Variants in NPAS3 observed in about 807,000 individuals in gnomAD.
NPAS3 encodes the protein neuronal PAS domain protein 3.
Under a neutral mutation model 73.1 loss-of-function variants are expected in NPAS3, and 14 were observed. The observed-to-expected ratio is 0.19, with a 90% confidence interval of 0.13 to 0.30. The LOEUF (loss-of-function observed/expected upper bound fraction) is 0.30. Among genes scored for constraint, NPAS3 ranks in the 10% least tolerant of loss-of-function variants. The pLI is 1.00. For missense variants in NPAS3, 1,096 were observed against 1,250.0 expected (o/e 0.88, Z 1.86); for synonymous variants, 620 against 541.5 (o/e 1.14, Z -2.01).
chr14:33,727,363 C>T (rs1311979733), intron 6 of NPAS3, among the ~76,000 whole-genome samples: 6 of 152,012 alleles, frequency 3.9e-5, no homozygotes, highest in East Asian at 3.9e-4. Flanking sequence ...CTGTGATATG[C>T]GCTAAACAGC....
chr14:33,702,147 A>G (rs769788656), intron 6 of NPAS3, among the ~76,000 whole-genome samples: 17 of 152,222 alleles, frequency 1.1e-4, no homozygotes, highest in Non-Finnish European at 4.4e-5. Flanking sequence ...TTCCATGTTA[A>G]TTGTGATGCT....
chr14:33,423,115 T>G (rs1010809574), intron 4 of NPAS3, among the ~76,000 whole-genome samples: 1 of 151,984 alleles, frequency 6.6e-6, no homozygotes, highest in African/African-American at 2.4e-5. Context: ...CGCTGGACAT[T>G]TTGAAGGCAG....
At chr14:33,698,498 G>A (rs1370600878) in intron 6 of NPAS3, among the ~76,000 whole-genome samples, 1 of 152,138 alleles carries the variant, frequency 6.6e-6, no homozygotes, top group Non-Finnish European at 1.5e-5. Context: ...ATGCTCACAG[G>A]ATGCTACAGG....
At chr14:33,499,162 T>G (rs1462926133) in intron 4 of NPAS3, among the ~76,000 whole-genome samples, 1 of 151,896 alleles carries the variant, frequency 6.6e-6, no homozygotes. Flanking sequence ...AGAAATTTAA[T>G]TTTTCCAAAA....
chr14:33,171,430 C>G lies in NPAS3; in HGVS notation c.141-43752C>G, dbSNP rs149969868. 1.5e-3 allele frequency among the ~76,000 whole-genome samples: 232 copies of G among 152,302 alleles called. 2 individuals carry two copies. The highest frequency in any genetic ancestry group is 5.2e-3 in the African/African-American group (215 of 41,564). On this transcript the variant is annotated intron_variant, in intron 2 of 11. Transcript: ENST00000356141. ...GCTTCTAATAAGAATATCAGCCTGT[C>G]CCACAGCTTCTCCATCAGCACTTGC... is the stretch of plus-strand genomic sequence containing the variant.
At chr14:33,443,854 G>A (rs1203056756) in intron 4 of NPAS3, among the ~76,000 whole-genome samples, 1 of 152,148 alleles carries the variant, frequency 6.6e-6, no homozygotes, top group Non-Finnish European at 1.5e-5. Context: ...TTCGGGTAGG[G>A]TATAATGTTG....
chr14:33,327,329 C>A (rs776958333), intron 3 of NPAS3, among the ~76,000 whole-genome samples: 1 of 152,282 alleles, frequency 6.6e-6, no homozygotes, highest in African/African-American at 2.4e-5. Context: ...AATCTCAACA[C>A]GAGGAAGTAA....
At chr14:33,344,632 T>G (rs1429717407) in intron 3 of NPAS3, among the ~76,000 whole-genome samples, 2 of 152,234 alleles carry the variant, frequency 1.3e-5, no homozygotes, top group Non-Finnish European at 2.9e-5. Context: ...TTAACTCTTA[T>G]TACTTGTTCA....
At chr14:33,698,357 G>C (rs952797520) in intron 6 of NPAS3, among the ~76,000 whole-genome samples, 1 of 152,176 alleles carries the variant, frequency 6.6e-6, no homozygotes, top group Admixed American at 6.5e-5. Flanking sequence ...TGTGGCTTTT[G>C]CCATGAAACT....
chr14:33,229,901 G>C (rs1200123015), intron 3 of NPAS3, among the ~76,000 whole-genome samples: 11 of 152,270 alleles, frequency 7.2e-5, no homozygotes. Flanking sequence ...ATTGTAAGTT[G>C]ATCATTCATT....
intron 2 of NPAS3, among the ~76,000 whole-genome samples, chr14:33,087,264 T>TGTAC (rs2042070267): frequency 2.7e-5 from 4 of 148,092 alleles, no homozygotes; most frequent in Admixed American, 1.4e-4. Flanking sequence ...TGTACAATAT[T>TGTAC]ATTATGTATA....
chr14:33,229,155 T>C (rs1283215636), intron 3 of NPAS3, among the ~76,000 whole-genome samples: 3 of 152,196 alleles, frequency 2.0e-5, no homozygotes, highest in Non-Finnish European at 4.4e-5. Context: ...AGACTACTCA[T>C]GCATATCTCT....
intron 3 of NPAS3, among the ~76,000 whole-genome samples, chr14:33,284,904 G>A (rs920545416): frequency 2.6e-5 from 4 of 152,006 alleles, no homozygotes; most frequent in Admixed American, 6.6e-5. Context: ...GAAGTACCCC[G>A]CCTGCAGTCC....
At chr14:33,364,442 T>C (rs2045743285) in intron 3 of NPAS3, among the ~76,000 whole-genome samples, 1 of 152,242 alleles carries the variant, frequency 6.6e-6, no homozygotes, top group South Asian at 2.1e-4. Flanking sequence ...AATGGGCTCC[T>C]GTTTAACATA....
At chr14:33,471,419 T>A (rs1346616886) in intron 4 of NPAS3, among the ~76,000 whole-genome samples, 1 of 152,174 alleles carries the variant, frequency 6.6e-6, no homozygotes, top group Non-Finnish European at 1.5e-5. Context: ...CACATGACTG[T>A]GCTTATGCTG....
intron 1 of NPAS3, among the ~76,000 whole-genome samples, chr14:33,022,526 G>C (rs796552101): frequency 6.6e-6 from 1 of 152,038 alleles, no homozygotes; most frequent in South Asian, 2.1e-4. Flanking sequence ...GTAGCTGGGC[G>C]TGGTGGCGGG....
At chr14:33,294,157 T>C (rs72678861) in intron 3 of NPAS3, among the ~76,000 whole-genome samples, 4 of 152,302 alleles carry the variant, frequency 2.6e-5, no homozygotes, top group Non-Finnish European at 5.9e-5. Context: ...TCTCATTGCA[T>C]TTAAGCTATA....
chr14:33,313,929 A>G (rs2043105970), intron 3 of NPAS3, among the ~76,000 whole-genome samples: 1 of 152,166 alleles, frequency 6.6e-6, no homozygotes, highest in African/African-American at 2.4e-5. Flanking sequence ...TGCATAATTC[A>G]TTGAACTCTA....
chr14:32,955,569 T>A (rs2036641618), intron 1 of NPAS3, among the ~76,000 whole-genome samples: 1 of 152,148 alleles, frequency 6.6e-6, no homozygotes, highest in African/African-American at 2.4e-5. Flanking sequence ...ACCAAAATGA[T>A]GGATGATGAA....
Sources: gnomAD v4.1 joint callset for allele counts (sites outside exome capture counted in the v4.1 genomes callset) on GRCh38, gnomAD v4.1.1 for gene constraint, MANE v1.5 for transcripts, NCBI Gene and HGNC (gene_info 2026-07-23, HGNC 2026-07-21) for gene names.